KAZN: variants seen among roughly 807,000 people sequenced by gnomAD.
The protein encoded by KAZN is kazrin.
KAZN carries 40 observed loss-of-function variants against 87.4 expected under a neutral mutation model. The ratio of observed to expected loss-of-function variants is 0.46; its 90% CI spans 0.36 to 0.60. The LOEUF is 0.60. Among genes scored for constraint, KAZN ranks in the 20% least tolerant of loss-of-function variants. The pLI is 0.00. For synonymous variants in KAZN, 466 were observed against 458.3 expected, an observed-to-expected ratio of 1.02 and a Z score of -0.22; for missense variants, 898 against 1,073.9, an observed-to-expected ratio of 0.84 and a Z score of 2.29.
intron 1 of KAZN, among the ~76,000 whole-genome samples, chr1:14,169,797 A>T (rs1160538): frequency 0.12 from 18,694 of 152,192 alleles, 1,270 homozygotes; most frequent in East Asian, 0.33. Context: ...TAATACTCAT[A>T]ACTATCAAGT....
intron 2 of KAZN, among the ~76,000 whole-genome samples, chr1:15,004,677 G>A (rs1236249525): frequency 6.6e-6 from 1 of 152,364 alleles, no homozygotes; most frequent in East Asian, 1.9e-4. Flanking sequence ...GTGAAACCAA[G>A]TCTGGGGTCA....
chr1:14,688,071 C>G (rs546339309), intron 1 of KAZN, among the ~76,000 whole-genome samples: 6 of 152,178 alleles, frequency 3.9e-5, no homozygotes, highest in Admixed American at 2.6e-4. Context: ...GCTCTACCCC[C>G]ACCCGTGCCC....
At chr1:15,036,440 C>T (rs974619689) in intron 3 of KAZN, among the ~76,000 whole-genome samples, 1 of 149,246 alleles carries the variant, frequency 6.7e-6, no homozygotes. Flanking sequence ...TGGCCTGGCT[C>T]CCTTTCATAT....
At chr1:14,572,702 A>ACCTCATTTGTGTACCTCAT (rs1674944946) in intron 2 of KAZN, among the ~76,000 whole-genome samples, 2 of 152,106 alleles carry the variant, frequency 1.3e-5, no homozygotes, top group African/African-American at 2.4e-5. Context: ...AAGAAGGGGT[A>ACCTCATTTGTGTACCTCAT]TGTGTACCTC....
chr1:14,883,949 G>C (rs1451411596), intron 1 of KAZN, among the ~76,000 whole-genome samples: 1 of 152,166 alleles, frequency 6.6e-6, no homozygotes, highest in Admixed American at 6.5e-5. Context: ...AGAAAGAATA[G>C]GGTACAGGAA....
intron 2 of KAZN, among the ~76,000 whole-genome samples, chr1:14,342,630 A>C (rs1056597287): frequency 2.6e-5 from 4 of 152,238 alleles, no homozygotes; most frequent in African/African-American, 9.6e-5. Context: ...GAAAGGGCCC[A>C]AAAAATGCCG....
intron 2 of KAZN, among the ~76,000 whole-genome samples, chr1:15,008,317 A>G (rs1234061846): frequency 1.3e-5 from 2 of 152,154 alleles, no homozygotes; most frequent in Non-Finnish European, 2.9e-5. Context: ...CAGGTGTTAC[A>G]GTGGATCCTG....
At chr1:14,231,720 T>C (rs2100543150) in intron 2 of KAZN, among the ~76,000 whole-genome samples, 1 of 152,354 alleles carries the variant, frequency 6.6e-6, no homozygotes, top group South Asian at 2.1e-4. Flanking sequence ...ACTTTATCAG[T>C]TGCCATTTAT....
At chr1:14,594,277 G>A (rs1256237040), upstream of KAZN, among the ~76,000 whole-genome samples, 2 of 152,336 alleles carry the variant, frequency 1.3e-5, no homozygotes, top group Admixed American at 1.3e-4. Context: ...CGGCTGTGCT[G>A]TCAGCAATGG....
At chr1:14,984,987 T>G (rs577703864) in intron 2 of KAZN, among the ~76,000 whole-genome samples, 1 of 151,870 alleles carries the variant, frequency 6.6e-6, no homozygotes, top group East Asian at 1.9e-4. Flanking sequence ...AATACAAAAA[T>G]TAGCCAGGCG....
In KAZN at chr1:14,292,721, G is replaced by A. The variant is rs1449361728; in HGVS notation, c.249+112129G>A. ...ACCTTTCCTTTTTCATCTGCGTGTT[G>A]GTGCATGGAAGAGGGGGTGCATCAT... is the stretch of plus-strand genomic sequence containing the variant. On this transcript the variant is annotated intron_variant, in intron 2 of 16. Transcript: ENST00000636203. 4.6e-5 allele frequency among the ~76,000 whole-genome samples: 7 copies of A among 152,306 alleles called. 1 individual carries two copies. In the South Asian group the frequency reaches 1.5e-3, roughly 32 times the overall value.
chr1:14,800,217 G>A (rs1645965142), intron 1 of KAZN, among the ~76,000 whole-genome samples: 1 of 152,162 alleles, frequency 6.6e-6, no homozygotes, highest in African/African-American at 2.4e-5. Context: ...ATATGACTCA[G>A]CAACTCCATT....
At chr1:14,348,269 C>A (rs1206915606) in intron 2 of KAZN, among the ~76,000 whole-genome samples, 1 of 152,106 alleles carries the variant, frequency 6.6e-6, no homozygotes, top group Non-Finnish European at 1.5e-5. Flanking sequence ...CCAGGCTGGT[C>A]TTGAACTCCT....
At chr1:14,884,164 C>T (rs1237250026) in intron 1 of KAZN, among the ~76,000 whole-genome samples, 18 of 152,128 alleles carry the variant, frequency 1.2e-4, no homozygotes, top group Admixed American at 8.5e-4. Flanking sequence ...GAGGCCGAGG[C>T]GGGTGGGTCA....
intron 1 of KAZN, among the ~76,000 whole-genome samples, chr1:14,691,884 G>C (rs1641333288): frequency 6.6e-6 from 1 of 151,236 alleles, no homozygotes. Flanking sequence ...CACCTGAGCA[G>C]GTAGCAGAGC....
At chr1:14,793,609 A>AT (rs139508489) in intron 1 of KAZN, among the ~76,000 whole-genome samples, 10,366 of 152,270 alleles carry the variant, frequency 0.068, 460 homozygotes, top group African/African-American at 0.12. Flanking sequence ...CTGTGCCTAG[A>AT]ATGGTGGGTG....
At chr1:14,550,739 C>CTCTCTCTCTCTCTCTCTCTCTCT (rs1480745409) in intron 2 of KAZN, among the ~76,000 whole-genome samples, 2 of 70,010 alleles carry the variant, frequency 2.9e-5, no homozygotes, top group African/African-American at 8.9e-5. Flanking sequence ...CTCTCTCTCT[C>CTCTCTCTCTCTCTCTCTCTCTCT]CCCCACCCCG....
At chr1:14,164,786 G>T (rs908101708) in intron 1 of KAZN, among the ~76,000 whole-genome samples, 3 of 151,988 alleles carry the variant, frequency 2.0e-5, no homozygotes, top group African/African-American at 7.2e-5. Flanking sequence ...TGATCCGCCT[G>T]CCTCGGCCTC....
At chr1:14,025,243 A>C (rs1641019571) in intron 1 of KAZN, among the ~76,000 whole-genome samples, 1 of 152,208 alleles carries the variant, frequency 6.6e-6, no homozygotes, top group Non-Finnish European at 1.5e-5. Flanking sequence ...GTTCCTCTGA[A>C]GACCATCCCT....
Sources: allele counts gnomAD v4.1 joint callset (sites outside exome capture counted in the v4.1 genomes callset), GRCh38; gene constraint gnomAD v4.1.1; transcripts MANE v1.5; gene names NCBI Gene and HGNC (gene_info 2026-07-23, HGNC 2026-07-21).